The following ARHGAP42 variants were observed in gnomAD, a reference collection of about 807,000 sequenced individuals.
ARHGAP42 encodes rho GTPase-activating protein 42.
Under a neutral mutation model 125.0 loss-of-function variants are expected in ARHGAP42, and 63 were observed. The ratio of observed to expected loss-of-function variants is 0.50; its 90% CI spans 0.41 to 0.62. ARHGAP42 has a LOEUF of 0.62. Among genes scored for constraint, ARHGAP42 ranks in the 20% least tolerant of loss-of-function variants. The pLI, the probability that ARHGAP42 is intolerant of heterozygous loss-of-function variation, is 0.00. For missense variants in ARHGAP42, 766 were observed against 1,024.2 expected, an observed-to-expected ratio of 0.75 and a Z score of 3.44; for synonymous variants, 339 against 351.0, an observed-to-expected ratio of 0.97 and a Z score of 0.38.
chr11:100,988,032 G>A (rs1858730652), intron 23 of ARHGAP42, among the ~76,000 whole-genome samples: 1 of 152,104 alleles, frequency 6.6e-6, no homozygotes, highest in South Asian at 2.1e-4. Context: ...GGAGGCTGAG[G>A]CAGGAGAATG....
intron 3 of ARHGAP42, among the ~76,000 whole-genome samples, chr11:100,841,131 A>G (rs1234665088): frequency 6.6e-6 from 1 of 152,166 alleles, no homozygotes; most frequent in Non-Finnish European, 1.5e-5. Flanking sequence ...AGATGACATG[A>G]AATGTGATAA....
intron 5 of ARHGAP42, among the ~76,000 whole-genome samples, chr11:100,914,618 CT>C (rs1174283861): frequency 6.6e-6 from 1 of 152,126 alleles, no homozygotes; most frequent in Non-Finnish European, 1.5e-5. Context: ...TGCTGGGTAG[CT>C]CACCCGCAGC....
intron 3 of ARHGAP42, among the ~76,000 whole-genome samples, chr11:100,810,020 T>G (rs1169455778): frequency 6.6e-6 from 1 of 152,058 alleles, no homozygotes; most frequent in Non-Finnish European, 1.5e-5. Flanking sequence ...TATGATATGA[T>G]TTTCCACATA....
At chr11:100,739,706 T>G (rs1236504478) in intron 1 of ARHGAP42, among the ~76,000 whole-genome samples, 7 of 152,230 alleles carry the variant, frequency 4.6e-5, no homozygotes, top group African/African-American at 1.7e-4. Flanking sequence ...TTGTTCCTTT[T>G]GTAAACATGA....
At chr11:100,713,848 A>C (rs1182076314) in intron 1 of ARHGAP42, among the ~76,000 whole-genome samples, 3 of 152,232 alleles carry the variant, frequency 2.0e-5, no homozygotes, top group African/African-American at 7.2e-5. Context: ...TATTTGAGCA[A>C]ATTCGTTGCA....
At chr11:100,935,147 T>C (rs889838191) in intron 7 of ARHGAP42, among the ~76,000 whole-genome samples, 4 of 146,712 alleles carry the variant, frequency 2.7e-5, no homozygotes, top group African/African-American at 1.0e-4. Flanking sequence ...TTTTTTTTTT[T>C]AAAATGGGGA....
intron 3 of ARHGAP42, among the ~76,000 whole-genome samples, chr11:100,802,022 A>G (rs1863865187): frequency 6.6e-6 from 1 of 152,242 alleles, no homozygotes; most frequent in South Asian, 2.1e-4. Context: ...GATTTGGGTT[A>G]GAAGGTGTCA....
At chr11:100,860,904 C>T (rs555417386) in intron 4 of ARHGAP42, among the ~76,000 whole-genome samples, 1 of 152,282 alleles carries the variant, frequency 6.6e-6, no homozygotes, top group South Asian at 2.1e-4. Flanking sequence ...ATTTATCAGT[C>T]TCATGGTTGG....
chr11:100,692,432 C>T (rs547544150), intron 1 of ARHGAP42, among the ~76,000 whole-genome samples: 1 of 152,234 alleles, frequency 6.6e-6, no homozygotes, highest in South Asian at 2.1e-4. Flanking sequence ...TGTTATTGTG[C>T]TGAAGCTCAT....
At chr11:100,784,302 A>G (rs1863382385) in intron 2 of ARHGAP42, among the ~76,000 whole-genome samples, 1 of 152,122 alleles carries the variant, frequency 6.6e-6, no homozygotes, top group Non-Finnish European at 1.5e-5. Context: ...TGGAGTTTGG[A>G]CCCTTTTAAA....
intron 4 of ARHGAP42, among the ~76,000 whole-genome samples, chr11:100,875,154 G>GTGTGT (rs1565253822): frequency 2.7e-5 from 3 of 110,726 alleles, no homozygotes; most frequent in African/African-American, 1.0e-4. Context: ...TGTGTGTGTG[G>GTGTGT]CTCATGAACT....
At chr11:100,969,282 T>G (rs954161285) in intron 17 of ARHGAP42, among the ~76,000 whole-genome samples, 22 of 152,182 alleles carry the variant, frequency 1.4e-4, no homozygotes, top group Admixed American at 7.9e-4. Context: ...GCTTTCAGAA[T>G]TTTCTTTTTG....
At chr11:100,699,506 ATTTTTTTTTTTTTTTTT>A (rs869243290) in intron 1 of ARHGAP42, among the ~76,000 whole-genome samples, 16 of 31,754 alleles carry the variant, frequency 5.0e-4, no homozygotes, top group South Asian at 2.4e-3. Flanking sequence ...ATATATATAT[ATTTTTTTTTTTTTTTTT>A]TTTTTTTTTT....
chr11:100,753,845 C>G (rs910162196), intron 1 of ARHGAP42, among the ~76,000 whole-genome samples: 1 of 152,216 alleles, frequency 6.6e-6, no homozygotes, highest in African/African-American at 2.4e-5. Context: ...CTCTCTCACA[C>G]TCTGGAGACT....
At chr11:100,865,247 AT>A (rs1865541875) in intron 4 of ARHGAP42, among the ~76,000 whole-genome samples, 1 of 152,166 alleles carries the variant, frequency 6.6e-6, no homozygotes, top group Non-Finnish European at 1.5e-5. Flanking sequence ...CATGCAGTTA[AT>A]TAAGCATGTA....
At chr11:100,950,822 T>G (rs1382789898) in intron 12 of ARHGAP42, among the ~76,000 whole-genome samples, 2 of 152,186 alleles carry the variant, frequency 1.3e-5, no homozygotes, top group African/African-American at 4.8e-5. Context: ...GTCTTATGGC[T>G]TCTAAATTTA....
intron 4 of ARHGAP42, among the ~76,000 whole-genome samples, chr11:100,866,172 G>A (rs1197607518): frequency 6.6e-6 from 1 of 152,160 alleles, no homozygotes; most frequent in African/African-American, 2.4e-5. Flanking sequence ...TCCGTAAGAA[G>A]CAACTCCTCA....
At position 100,948,446 on chromosome 11, in the gene ARHGAP42, T is replaced by C. The variant is rs936873021; in HGVS notation, c.1044-11T>C. ...AATGTGTAAATATAGAAAATATTTG[T>C]TTTTAAATAGGCATGGGATCATCAC... On this transcript the variant is annotated splice_polypyrimidine_tract_variant and intron_variant, in intron 10 of 23. Transcript: ENST00000298815. The C allele has an allele frequency of 2.5e-5, 38 of 1,518,616 alleles. No individual in the cohort carries two copies. Among genetic ancestry groups the C allele is most frequent in the Non-Finnish European group, 3.3e-5 (37 of 1,131,190 alleles). The allele number at this position is 1,518,616 out of a possible 1,614,324, so 94.1% of individuals were successfully genotyped here.
intron 3 of ARHGAP42, among the ~76,000 whole-genome samples, chr11:100,830,390 T>C (rs1244954646): frequency 6.6e-6 from 1 of 152,174 alleles, no homozygotes; most frequent in Non-Finnish European, 1.5e-5. Context: ...GTGGCTGCTG[T>C]AATATGGAGA....
Sources: allele counts gnomAD v4.1 joint callset (sites outside exome capture counted in the v4.1 genomes callset), GRCh38; gene constraint gnomAD v4.1.1; transcripts MANE v1.5; gene names NCBI Gene and HGNC (gene_info 2026-07-23, HGNC 2026-07-21).